CTNNA2: variants seen among roughly 807,000 people sequenced by gnomAD.
CTNNA2 encodes catenin alpha 2, also known as catenin alpha-2.
A neutral mutation model predicts 101.0 loss-of-function variants in CTNNA2; 42 were observed. That is an observed-to-expected ratio of 0.42 (90% CI 0.32 to 0.54). CTNNA2 has a LOEUF of 0.54. Among genes scored for constraint, CTNNA2 ranks in the 20% least tolerant of loss-of-function variants. CTNNA2 has a pLI of 0.14. For synonymous variants in CTNNA2, 450 were observed against 456.4 expected (o/e 0.99, Z 0.18); for missense variants, 871 against 1,223.1 (o/e 0.71, Z 4.29).
intron 7 of CTNNA2, among the ~76,000 whole-genome samples, chr2:80,155,390 A>G (rs978511724): frequency 1.3e-5 from 2 of 152,212 alleles, no homozygotes; most frequent in African/African-American, 2.4e-5. Context: ...CCTAACTTCA[A>G]TTAAGGCTGG....
intron 1 of CTNNA2, among the ~76,000 whole-genome samples, chr2:79,535,959 G>A (rs1052736425): frequency 2.6e-5 from 4 of 152,176 alleles, no homozygotes; most frequent in East Asian, 1.9e-4. Flanking sequence ...GGACACGTAC[G>A]TGAACAGCTC....
chr2:80,128,981 G>T (rs1260693361), intron 7 of CTNNA2, among the ~76,000 whole-genome samples: 4 of 142,320 alleles, frequency 2.8e-5, no homozygotes, highest in Non-Finnish European at 4.7e-5. Context: ...ATATAAGACA[G>T]CATAAATAAC....
intron 2 of CTNNA2, among the ~76,000 whole-genome samples, chr2:79,230,444 C>A (rs1419434173): frequency 6.6e-6 from 1 of 152,212 alleles, no homozygotes; most frequent in Non-Finnish European, 1.5e-5. Context: ...ACACAGAAGT[C>A]AAGAACTGAG....
chr2:80,268,783 AG>A (rs1000689758), intron 7 of CTNNA2, among the ~76,000 whole-genome samples: 13 of 152,338 alleles, frequency 8.5e-5, no homozygotes, highest in African/African-American at 3.1e-4. Context: ...TTACAATAAA[AG>A]GAAAAATTCA....
intron 7 of CTNNA2, among the ~76,000 whole-genome samples, chr2:80,085,958 T>G: frequency 6.6e-6 from 1 of 152,036 alleles, no homozygotes; most frequent in East Asian, 1.9e-4. Flanking sequence ...ACGGTTAAAC[T>G]TAGCAAGAAA....
chr2:80,132,327 G>A (rs563250494), intron 7 of CTNNA2, among the ~76,000 whole-genome samples: 2 of 152,230 alleles, frequency 1.3e-5, no homozygotes, highest in East Asian at 1.9e-4. Flanking sequence ...ACTTCAAGGA[G>A]TCGTAGAGAC....
In CTNNA2 at chr2:79,810,531, T is replaced by C. The variant is rs533244343; in HGVS notation, c.299-47482T>C. On this transcript the variant is annotated intron_variant, in intron 3 of 18. Coordinates refer to ENST00000402739, the MANE Select transcript of CTNNA2 (RefSeq NM_001282597.3). Reference sequence around the variant, plus strand: ...TTCACCTTTTCTTTTCTTTTCTTTTTTTTTTTTTGTTATACTTTAAGTTTT... The same window carrying C: ...TTCACCTTTTCTTTTCTTTTCTTTTCTTTTTTTTGTTATACTTTAAGTTTT... Among the ~76,000 whole-genome samples, 396 of 151,824 alleles carry C rather than the reference T, an allele frequency of 2.6e-3. 1 individual carries two copies. The highest frequency in any genetic ancestry group is 7.9e-3 in the African/African-American group (325 of 41,354).
rs375698848 is a variant in CTNNA2 at position 80,294,192 on chromosome 2, C to A, written c.1057-99019C>A. On this transcript the variant is annotated intron_variant, in intron 7 of 18. Coordinates refer to ENST00000402739, the MANE Select transcript of CTNNA2 (RefSeq NM_001282597.3). ...CAATGACCTTGGGCAAGCTACTGAA[C>A]CTTTTCAGATTTGAGTCTTCTTGCC... 1.2e-4 allele frequency among the ~76,000 whole-genome samples: 18 copies of A among 152,214 alleles called. No homozygotes were observed. The East Asian group carries it at 2.3e-3, about 20-fold the overall frequency.
At chr2:79,345,658 T>A (rs1677244917) in intron 3 of CTNNA2, among the ~76,000 whole-genome samples, 1 of 151,942 alleles carries the variant, frequency 6.6e-6, no homozygotes, top group Non-Finnish European at 1.5e-5. Context: ...AGTAAAAAAT[T>A]GTGGGGTTTT....
At chr2:79,790,521 G>A (rs1444610232) in intron 3 of CTNNA2, among the ~76,000 whole-genome samples, 1 of 152,156 alleles carries the variant, frequency 6.6e-6, no homozygotes, top group Non-Finnish European at 1.5e-5. Flanking sequence ...CGTAATGATT[G>A]TTGATTAAAT....
chr2:80,488,605 G>A (rs72914998), intron 9 of CTNNA2, among the ~76,000 whole-genome samples: 12,129 of 152,178 alleles, frequency 0.08, 1,582 homozygotes, highest in African/African-American at 0.27. Flanking sequence ...ACAGGAGCCT[G>A]AGATAGCCAC....
intron 7 of CTNNA2, among the ~76,000 whole-genome samples, chr2:79,986,140 G>C (rs542340516): frequency 6.6e-6 from 1 of 152,226 alleles, no homozygotes; most frequent in Admixed American, 6.5e-5. Context: ...GGGAGATGTT[G>C]GTAAAAATTG....
rs570656384 is a variant in CTNNA2, at chr2:80,541,620, C to T, written c.1291-3362C>T. Among the ~76,000 whole-genome samples the T allele has an allele frequency of 7.2e-5, 11 of 152,208 alleles. No homozygotes were observed. The East Asian group carries it at 1.9e-3, about 27-fold the overall frequency. ...AGTCCAGCTCTTCTGAGCTCTAAGT[C>T]CCACAGGGTCGACTTCTGCCAGGTG... On this transcript the variant is annotated intron_variant, in intron 9 of 18. Coordinates refer to ENST00000402739, the MANE Select transcript of CTNNA2 (RefSeq NM_001282597.3).
intron 7 of CTNNA2, among the ~76,000 whole-genome samples, chr2:79,980,007 T>C (rs1418325683): frequency 1.3e-5 from 2 of 152,204 alleles, no homozygotes; most frequent in East Asian, 3.8e-4. Context: ...CTCTAAGTGC[T>C]TCTCCATCTC....
intron 2 of CTNNA2, among the ~76,000 whole-genome samples, chr2:79,704,396 T>C (rs1685209153): frequency 6.6e-6 from 1 of 152,268 alleles, no homozygotes; most frequent in Non-Finnish European, 1.5e-5. Context: ...TGTTAAACTT[T>C]TTTGTGCATA....
At chr2:80,227,792 G>A (rs1708971997) in intron 7 of CTNNA2, among the ~76,000 whole-genome samples, 2 of 152,136 alleles carry the variant, frequency 1.3e-5, no homozygotes, top group South Asian at 4.1e-4. Context: ...CCAGGAGAAA[G>A]GTGGGTGTTT....
intron 18 of CTNNA2, among the ~76,000 whole-genome samples, chr2:80,633,166 A>C (rs897058939): frequency 1.8e-4 from 28 of 152,320 alleles, no homozygotes; most frequent in African/African-American, 5.8e-4. Flanking sequence ...TATCAGCCTC[A>C]CATCATTTCG....
At chr2:80,283,240 T>C (rs1674521571) in intron 7 of CTNNA2, among the ~76,000 whole-genome samples, 1 of 151,988 alleles carries the variant, frequency 6.6e-6, no homozygotes, top group Non-Finnish European at 1.5e-5. Context: ...CCTGTTTGGA[T>C]TTTGACTCAA....
chr2:79,976,448 C>T (rs964199898), intron 7 of CTNNA2, among the ~76,000 whole-genome samples: 7 of 152,126 alleles, frequency 4.6e-5, no homozygotes, highest in South Asian at 4.1e-4. Flanking sequence ...TGTCTCCATT[C>T]GAGAGCACTT....
Sources: allele counts gnomAD v4.1 joint callset (sites outside exome capture counted in the v4.1 genomes callset), GRCh38; gene constraint gnomAD v4.1.1; transcripts MANE v1.5; gene names NCBI Gene and HGNC (gene_info 2026-07-23, HGNC 2026-07-21).